The following PDZD2 variants were observed in gnomAD, a reference collection of about 807,000 sequenced individuals.
PDZD2 encodes the protein PDZ domain containing 2.
PDZD2 carries 90 observed loss-of-function variants against 220.7 expected under a neutral mutation model. The observed-to-expected ratio is 0.41, with a 90% CI of 0.34 to 0.49. The LOEUF (loss-of-function observed/expected upper bound fraction) is 0.49, where lower values mean the gene tolerates loss of function less well. PDZD2 is among the 20% of genes least tolerant of loss of function. The pLI, the probability that PDZD2 is intolerant of heterozygous loss-of-function variation, is 0.28. For synonymous variants in PDZD2, 1,375 were observed against 1,450.5 expected (o/e 0.95, Z 1.18); for missense variants, 3,174 against 3,608.5 (o/e 0.88, Z 3.08).
Position 32,097,400 on chromosome 5 carries a change from G to A in PDZD2, c.7947+20G>A, listed in dbSNP as rs779500411. 1 of 1,476,452 alleles carries A rather than the reference G, an allele frequency of 6.8e-7. No individual in the cohort carries two copies. The highest frequency in any genetic ancestry group is 9.5e-7 in the Non-Finnish European group (1 of 1,054,226). The allele number at this position is 1,476,452 out of a possible 1,614,324, so 91.5% of individuals were successfully genotyped here. On this transcript the variant is annotated intron_variant, in intron 22 of 24. Coordinates refer to ENST00000438447, the MANE Select transcript of PDZD2 (RefSeq NM_178140.4). ...ATCACGGTAAGTGACAGAGTCATTA[G>A]GCTCTCAGGAAAATCCCCCCTCAAG...
intron 3 of PDZD2, among the ~76,000 whole-genome samples, chr5:31,985,891 C>T (rs1581217117): frequency 6.6e-6 from 1 of 151,726 alleles, no homozygotes; most frequent in Non-Finnish European, 1.5e-5. Flanking sequence ...CCAGCCTCAA[C>T]ATGGAGAAAC....
chr5:31,905,226 C>T (rs563123309), intron 2 of PDZD2, among the ~76,000 whole-genome samples: 65 of 152,236 alleles, frequency 4.3e-4, no homozygotes, highest in Non-Finnish European at 8.7e-4. Flanking sequence ...GGTGATCCAC[C>T]GCCCTCCTCA....
chr5:32,079,559 C>T (rs1741706533), intron 19 of PDZD2, among the ~76,000 whole-genome samples: 1 of 152,058 alleles, frequency 6.6e-6, no homozygotes, highest in East Asian at 2.0e-4. Context: ...GTAATCCCAG[C>T]ACTTTGGGAG....
At chr5:31,767,062 T>G (rs60090097) in intron 1 of PDZD2, among the ~76,000 whole-genome samples, 2 of 127,198 alleles carry the variant, frequency 1.6e-5, no homozygotes, top group African/African-American at 3.1e-5. Flanking sequence ...AGAGTCTCAC[T>G]GTGTCTCAGT....
chr5:32,081,157 G>A (rs909658361), intron 19 of PDZD2, among the ~76,000 whole-genome samples: 3 of 152,000 alleles, frequency 2.0e-5, no homozygotes, highest in African/African-American at 7.3e-5. Flanking sequence ...TTATAGTGTA[G>A]AGAGAATTTC....
Position 31,799,677 on chromosome 5 carries a change from C to T in PDZD2, c.429C>T (p.Leu143=). ...AGGTCCGACTGCGGGATGAGATCCT[C>T]TCACTGAATGGGCAGCTGATGGTTG... The part of the protein sequence containing the change: ...SGKVRLRDEI[L]SLNGQLMVGV... Residue 143 remains leucine, a synonymous_variant, in exon 2 of 25, where the codon CTC becomes CTT. Coordinates refer to ENST00000438447, the MANE Select transcript of PDZD2 (RefSeq NM_178140.4). 6.2e-7 allele frequency: 1 copy of T among 1,614,018 alleles called. No individual in the cohort carries two copies. Among genetic ancestry groups the T allele is most frequent in the Non-Finnish European group, 8.5e-7 (1 of 1,179,984 alleles).
intron 2 of PDZD2, among the ~76,000 whole-genome samples, chr5:31,940,153 A>G (rs1409719411): frequency 1.3e-5 from 2 of 152,182 alleles, no homozygotes; most frequent in Admixed American, 6.5e-5. Flanking sequence ...CCCTCATGCC[A>G]TGGAGATCCC....
At chr5:32,075,615 C>A (rs1239718682) in intron 18 of PDZD2, among the ~76,000 whole-genome samples, 1 of 152,168 alleles carries the variant, frequency 6.6e-6, no homozygotes, top group Non-Finnish European at 1.5e-5. Flanking sequence ...GTTAGAATAT[C>A]AAATTGTTCA....
chr5:31,871,127 G>A (rs763897929), intron 2 of PDZD2, among the ~76,000 whole-genome samples: 48 of 152,242 alleles, frequency 3.2e-4, no homozygotes, highest in Non-Finnish European at 5.3e-4. Flanking sequence ...ACATATTCAT[G>A]TATATAATAT....
At chr5:31,877,065 G>C (rs1739368026) in intron 2 of PDZD2, among the ~76,000 whole-genome samples, 1 of 152,166 alleles carries the variant, frequency 6.6e-6, no homozygotes, top group Non-Finnish European at 1.5e-5. Flanking sequence ...CATGTGTCCT[G>C]CCTGGTTTAA....
At chr5:31,938,051 A>G (rs1020936073) in intron 2 of PDZD2, among the ~76,000 whole-genome samples, 3 of 152,188 alleles carry the variant, frequency 2.0e-5, no homozygotes, top group Admixed American at 2.0e-4. Context: ...AGAAAAAAAC[A>G]TTTGCTGGTT....
rs144458731 is a variant in PDZD2 at position 31,726,759 on chromosome 5, C to T, written c.-360-72130C>T. On this transcript the variant is annotated intron_variant, in intron 1 of 24. Coordinates refer to ENST00000438447, the MANE Select transcript of PDZD2 (RefSeq NM_178140.4). The stretch of plus-strand genomic sequence containing the variant: ...CTGTACACTCCACTGTGTTCTAGAG[C>T]ACAAGTTTGGCCCAGAAAGCTATCT... 1.3e-4 allele frequency among the ~76,000 whole-genome samples: 20 copies of T among 152,266 alleles called. No homozygotes were observed. The East Asian group carries it at 2.9e-3, about 22-fold the overall frequency.
chr5:31,684,548 A>T (rs1022852210), intron 1 of PDZD2, among the ~76,000 whole-genome samples: 10 of 143,910 alleles, frequency 6.9e-5, no homozygotes, highest in African/African-American at 2.3e-4. Context: ...CTCTGTCTAC[A>T]TAGTAGCTAG....
At chr5:31,916,494 G>C (rs571875164) in intron 2 of PDZD2, among the ~76,000 whole-genome samples, 1 of 152,376 alleles carries the variant, frequency 6.6e-6, no homozygotes, top group South Asian at 2.1e-4. Context: ...CGGAGCGCTG[G>C]CTGTCCCAGC....
chr5:31,865,015 A>C (rs1383550141), intron 2 of PDZD2, among the ~76,000 whole-genome samples: 1 of 151,118 alleles, frequency 6.6e-6, no homozygotes, highest in Non-Finnish European at 1.5e-5. Flanking sequence ...CGCCTGGCTA[A>C]TTTTTGTATT....
intron 2 of PDZD2, among the ~76,000 whole-genome samples, chr5:31,948,242 C>T (rs559054749): frequency 2.0e-5 from 3 of 152,154 alleles, no homozygotes; most frequent in South Asian, 4.1e-4. Context: ...GTTGTTTGGG[C>T]GAGCAAGCTG....
At chr5:31,743,747 A>G (rs1750407893) in intron 1 of PDZD2, among the ~76,000 whole-genome samples, 1 of 151,774 alleles carries the variant, frequency 6.6e-6, no homozygotes, top group Non-Finnish European at 1.5e-5. Context: ...GAGGGTGCCC[A>G]CTCTCTGTCA....
chr5:31,666,780 T>C (rs1344425717), intron 1 of PDZD2, among the ~76,000 whole-genome samples: 8 of 152,204 alleles, frequency 5.3e-5, no homozygotes, highest in Non-Finnish European at 1.2e-4. Context: ...AGGCAAAATA[T>C]CCAAGATATG....
chr5:31,829,673 A>G (rs1254471787), intron 2 of PDZD2, among the ~76,000 whole-genome samples: 3 of 152,092 alleles, frequency 2.0e-5, no homozygotes, highest in African/African-American at 7.2e-5. Context: ...GAACTTAACT[A>G]GTATGTCAGA....
Sources: gnomAD v4.1 joint callset for allele counts (sites outside exome capture counted in the v4.1 genomes callset) on GRCh38, gnomAD v4.1.1 for gene constraint, MANE v1.5 for transcripts, NCBI Gene and HGNC (gene_info 2026-07-23, HGNC 2026-07-21) for gene names.